MYH13: variants seen among roughly 807,000 people sequenced by gnomAD.
MYH13 encodes myosin-13.
A neutral mutation model predicts 232.1 loss-of-function variants in MYH13; 177 were observed. The observed-to-expected ratio is 0.76, with a 90% CI of 0.67 to 0.86. The LOEUF is 0.86. Ranked by LOEUF, MYH13 falls within the 40% of genes least tolerant of loss-of-function variation. MYH13 has a pLI of 0.00. For synonymous variants in MYH13, 884 were observed against 923.5 expected (o/e 0.96, Z 0.78); for missense variants, 2,246 against 2,405.9 (o/e 0.93, Z 1.39).
chr17:10,312,195 G>T, intron 31 of MYH13, 119 bp from the exon 32 acceptor site: 1 of 1,112,160 alleles, frequency 9.0e-7, no homozygotes, highest in East Asian at 2.5e-5. Context: ...AGGGACTGAA[G>T]AAGGAGGAGG....
Position 10,311,970 on chromosome 17 carries a change from G to A in MYH13, c.4472C>T (p.Ala1491Val), listed in dbSNP as rs1305446034. 6 of 1,613,824 alleles carry A rather than the reference G, an allele frequency of 3.7e-6. No homozygotes were observed. Among genetic ancestry groups the A allele is most frequent in the Non-Finnish European group, 5.1e-6 (6 of 1,179,888 alleles). ...LSTELFKMRN[A>V]YEEVVDQLET... is the part of the protein sequence containing the mutation. Reference sequence around the variant, plus strand: ...TAACTGGTCCACCACCTCCTCATAGGCATTCCTCATCTTGAAGAGTTCAGT... The same window carrying A: ...TAACTGGTCCACCACCTCCTCATAGACATTCCTCATCTTGAAGAGTTCAGT... Residue 1491 changes from alanine to valine, a missense_variant, in exon 32 of 41, where the codon GCC (alanine) becomes GTC (valine). By Grantham distance (64) the Ala-to-Val change is moderately conservative (BLOSUM62 0). Transcript: ENST00000252172.
At chr17:10,321,899 C>G (rs77697850) in intron 23 of MYH13, among the ~76,000 whole-genome samples, 191 bp from the exon 24 acceptor site, 3,384 of 152,268 alleles carry the variant, frequency 0.022, 125 homozygotes, top group African/African-American at 0.076. Flanking sequence ...GCCTCAAATT[C>G]TCCCATTAGG....
chr17:10,329,976 G>A (rs968135524), intron 21 of MYH13, among the ~76,000 whole-genome samples: 4 of 150,874 alleles, frequency 2.7e-5, no homozygotes, highest in Non-Finnish European at 5.9e-5. Flanking sequence ...CTCCAGCCTG[G>A]ATGACAGAGC....
chr17:10,309,174 T>C, intron 35 of MYH13, 60 bp downstream of exon 35: 2 of 1,534,200 alleles, frequency 1.3e-6, no homozygotes, highest in Non-Finnish European at 1.8e-6. Context: ...AGCTGCACGG[T>C]GCAGGAGGCG....
At chr17:10,365,035 G>C (rs1008194583) in intron 2 of MYH13, among the ~76,000 whole-genome samples, 2 of 151,960 alleles carry the variant, frequency 1.3e-5, no homozygotes, top group Admixed American at 6.6e-5. Context: ...ACCACACCCA[G>C]CTATTTTTTT....
chr17:10,309,946 A>AAT, intron 33 of MYH13, 116 bp from the exon 34 acceptor site: 1 of 691,968 alleles, frequency 1.4e-6, no homozygotes, highest in Non-Finnish European at 2.1e-6. Flanking sequence ...TTAAATTTAA[A>AAT]TTTTTTTTTT....
intron 21 of MYH13, among the ~76,000 whole-genome samples, chr17:10,329,214 A>C (rs1432084964): frequency 1.3e-5 from 2 of 152,140 alleles, no homozygotes; most frequent in Non-Finnish European, 2.9e-5. Context: ...TCTGACAGTT[A>C]GAGCCACACA....
intron 19 of MYH13, among the ~76,000 whole-genome samples, chr17:10,332,667 T>C (rs1033640778): frequency 6.6e-6 from 1 of 152,116 alleles, no homozygotes; most frequent in East Asian, 1.9e-4. Flanking sequence ...CAGCTGGGTG[T>C]GATTTGGCAA....
chr17:10,328,889 GCTGGT>G (rs1907317469), intron 21 of MYH13, among the ~76,000 whole-genome samples: 1 of 152,050 alleles, frequency 6.6e-6, no homozygotes, highest in African/African-American at 2.4e-5. Flanking sequence ...TGTTGGTCAG[GCTGGT>G]CTTGAACTCC....
Position 10,303,269 on chromosome 17 carries a change from A to T in MYH13, c.5594T>A (p.Ile1865Asn). Residue 1865 changes from isoleucine to asparagine, a missense_variant, in exon 39 of 41, where the codon ATC becomes AAC. By Grantham distance (149) the Ile-to-Asn change is moderately radical. Transcript: ENST00000252172. ...TYQAEEDHKNILRLQDLVDKL... is the reference protein window; with the variant it reads ...TYQAEEDHKNNLRLQDLVDKL... ...GTCCACCAGGTCCTGGAGCCTAAGG[A>T]TATTCTTGTGGTCCTCCTCAGCCTG... The T allele has an allele frequency of 1.9e-6, 3 of 1,613,614 alleles. No individual in the cohort carries two copies. The South Asian group carries it at 3.3e-5, about 18-fold the overall frequency.
At chr17:10,316,145 CA>C (rs1372617642) in intron 27 of MYH13, 120 bp from the exon 28 acceptor site, 19 of 1,306,978 alleles carry the variant, frequency 1.5e-5, no homozygotes, top group East Asian at 2.5e-5. Context: ...AAGTACAGAA[CA>C]AAAAAAAGTT....
At chr17:10,305,556 GA>G (rs772440869) in intron 37 of MYH13, among the ~76,000 whole-genome samples, 17 of 152,152 alleles carry the variant, frequency 1.1e-4, no homozygotes, top group African/African-American at 2.7e-4. Context: ...TTCCTGCTGG[GA>G]AAAGTTGTCT....
chr17:10,303,153 G>T (rs1465494247), intron 39 of MYH13, 43 bp downstream of exon 39: 9 of 1,565,438 alleles, frequency 5.7e-6, no homozygotes, highest in Non-Finnish European at 7.9e-6. Flanking sequence ...ATGCCCCAGG[G>T]ACTGTCTGTC....
At position 10,362,436 on chromosome 17, in the gene MYH13, A is replaced by G; in HGVS notation, c.272T>C (p.Met91Thr). ...NPPKFDKIED[M>T]AMMTHLHEPA... is the part of the protein sequence containing the mutation. ...TTCATGCAGGTGAGTCATCATGGCC[A>G]TGTCCTCGATCTTGTCAAATTTGGG... Residue 91 changes from methionine (M) to threonine (T), a missense_variant, in exon 4 of 41, where the codon ATG (methionine) becomes ACG (threonine). Met to Thr is a moderately conservative substitution (Grantham distance 81). Transcript: ENST00000252172. 1.2e-6 allele frequency: 2 copies of G among 1,614,158 alleles called. No homozygotes were observed. The highest frequency in any genetic ancestry group is 1.7e-6 in the Non-Finnish European group (2 of 1,180,016).
Position 10,354,974 on chromosome 17 carries a change from T to C in MYH13, c.822A>G (p.Arg274=), listed in dbSNP as rs772871256. ...TCTCACTGGATAATTGAAACGTCACTCTGGATTTTTCTAACAGATCTAAGG... is the reference window on the plus strand; with the variant it reads ...TCTCACTGGATAATTGAAACGTCACCCTGGATTTTTCTAACAGATCTAAGG... ...DIETYLLEKS[R]VTFQLSSERS... Residue 274 remains arginine, a synonymous_variant, in exon 10 of 41, where the codon AGA becomes AGG. Transcript: ENST00000252172. 7 of 1,609,720 alleles carry C rather than the reference T, an allele frequency of 4.3e-6. No homozygotes were observed. In the South Asian group the frequency reaches 6.6e-5, roughly 15 times the overall value.
At chr17:10,322,977 A>G (rs941234133) in intron 23 of MYH13, among the ~76,000 whole-genome samples, 1 of 152,048 alleles carries the variant, frequency 6.6e-6, no homozygotes, top group Non-Finnish European at 1.5e-5. Flanking sequence ...AGCAGTAGGT[A>G]TTTAATATTT....
chr17:10,312,153 CAGTAACACCAACGT>C, intron 31 of MYH13, 77 bp from the exon 32 acceptor site: 1 of 1,513,678 alleles, frequency 6.6e-7, no homozygotes, highest in South Asian at 1.2e-5. Flanking sequence ...CAAGGGCTGT[CAGTAACACCAACGT>C]TTTGCCCTTC....
chr17:10,345,479 A>G lies in MYH13; in HGVS notation c.1401T>C (p.Phe467=), dbSNP rs758621468. The G allele has an allele frequency of 5.0e-6, 8 of 1,614,076 alleles. No individual in the cohort carries two copies. The South Asian group carries it at 8.8e-5, about 18-fold the overall frequency. ...YFIGVLDIAG[F]EIFDFNSLEQ... is the part of the protein sequence containing the mutation. ...GGTCACAACTCACATCAAAGATCTC[A>G]AAGCCAGCAATGTCCAAGACCCCGA... is the stretch of plus-strand genomic sequence containing the variant. Residue 467 remains phenylalanine (F), a synonymous_variant, in exon 14 of 41, where the codon TTT becomes TTC. Coordinates refer to ENST00000252172, the MANE Select transcript of MYH13 (RefSeq NM_003802.3).
chr17:10,369,833 C>G (rs1486615108), intron 2 of MYH13, among the ~76,000 whole-genome samples: 1 of 152,208 alleles, frequency 6.6e-6, no homozygotes, highest in African/African-American at 2.4e-5. Flanking sequence ...AGGCACAACT[C>G]TTTTCCCTTT....
Sources: allele counts gnomAD v4.1 joint callset (sites outside exome capture counted in the v4.1 genomes callset), GRCh38; gene constraint gnomAD v4.1.1; transcripts MANE v1.5; gene names NCBI Gene and HGNC (gene_info 2026-07-23, HGNC 2026-07-21).